Variants in FAM53B observed in about 807,000 individuals in gnomAD.
FAM53B encodes the protein family with sequence similarity 53 member B, also known as protein FAM53B.
Under a neutral mutation model 32.7 loss-of-function variants are expected in FAM53B, and 12 were observed. That is an observed-to-expected ratio of 0.37 (90% CI 0.24 to 0.59). The LOEUF (loss-of-function observed/expected upper bound fraction) is 0.59, where lower values mean the gene tolerates loss of function less well. FAM53B is among the 20% of genes least tolerant of loss of function. The pLI, the probability that FAM53B is intolerant of heterozygous loss-of-function variation, is 0.72. For missense variants in FAM53B, 477 were observed against 577.7 expected, an observed-to-expected ratio of 0.83 and a Z score of 1.79; for synonymous variants, 234 against 228.7, an observed-to-expected ratio of 1.02 and a Z score of -0.21.
intron 1 of FAM53B, among the ~76,000 whole-genome samples, chr10:124,728,805 G>A (rs1037930749): frequency 3.9e-5 from 6 of 152,238 alleles, no homozygotes; most frequent in African/African-American, 1.4e-4. Context: ...CTGCCCACAG[G>A]CAGTGATAAA....
intron 4 of FAM53B, among the ~76,000 whole-genome samples, chr10:124,649,768 T>C (rs1420425045): frequency 1.3e-5 from 2 of 152,200 alleles, no homozygotes; most frequent in African/African-American, 2.4e-5. Flanking sequence ...TGATTCTTTG[T>C]ACTCCTTCAG....
At chr10:124,630,744 T>C (rs1949385991) in intron 4 of FAM53B, among the ~76,000 whole-genome samples, 1 of 152,224 alleles carries the variant, frequency 6.6e-6, no homozygotes, top group Non-Finnish European at 1.5e-5. Flanking sequence ...GGTGGAAGGC[T>C]GGCCCTGGTC....
At chr10:124,734,358 G>C (rs1490732033) in intron 1 of FAM53B, among the ~76,000 whole-genome samples, 1 of 152,184 alleles carries the variant, frequency 6.6e-6, no homozygotes, top group East Asian at 1.9e-4. Flanking sequence ...ACTGAGCCTG[G>C]GGGCCACCAC....
chr10:124,663,908 C>A (rs1296304537), intron 4 of FAM53B, among the ~76,000 whole-genome samples: 1 of 152,124 alleles, frequency 6.6e-6, no homozygotes, highest in Non-Finnish European at 1.5e-5. Flanking sequence ...TCTCCCAGGT[C>A]TCCCGAGCCT....
intron 3 of FAM53B, among the ~76,000 whole-genome samples, chr10:124,693,902 G>A (rs1589753025): frequency 1.3e-5 from 2 of 152,206 alleles, no homozygotes; most frequent in East Asian, 3.8e-4. Context: ...CCAGGTGCCT[G>A]ACACACAGCA....
intron 1 of FAM53B, among the ~76,000 whole-genome samples, chr10:124,709,486 T>A (rs1589758985): frequency 6.6e-6 from 1 of 152,090 alleles, no homozygotes; most frequent in South Asian, 2.1e-4. Context: ...AGAAGGCAGG[T>A]GTAGCACAAT....
chr10:124,723,360 C>T (rs978111496), intron 1 of FAM53B, among the ~76,000 whole-genome samples: 2 of 152,228 alleles, frequency 1.3e-5, no homozygotes, highest in African/African-American at 4.8e-5. Flanking sequence ...CGATAGCTAT[C>T]AAAATGTTGT....
At chr10:124,687,907 G>A (rs1014899385) in intron 3 of FAM53B, among the ~76,000 whole-genome samples, 1 of 152,216 alleles carries the variant, frequency 6.6e-6, no homozygotes. Context: ...CTGCCCAGAA[G>A]CTTCAGGAGG....
intron 4 of FAM53B, among the ~76,000 whole-genome samples, chr10:124,645,424 G>T (rs1285181389): frequency 6.6e-6 from 1 of 152,184 alleles, no homozygotes; most frequent in Middle Eastern, 3.2e-3. Flanking sequence ...CAGGCTCTAG[G>T]GGCCCAAGAT....
intron 2 of FAM53B, among the ~76,000 whole-genome samples, chr10:124,701,314 C>A (rs1949913683): frequency 6.6e-6 from 1 of 152,254 alleles, no homozygotes; most frequent in Admixed American, 6.5e-5. Flanking sequence ...TTAGCCTTGG[C>A]ATCCTAATCT....
At chr10:124,686,314 T>C (rs1332421138) in intron 3 of FAM53B, among the ~76,000 whole-genome samples, 1 of 152,176 alleles carries the variant, frequency 6.6e-6, no homozygotes, top group African/African-American at 2.4e-5. Context: ...CTACAGGACC[T>C]ACTCCTTCTG....
At chr10:124,689,923 T>A (rs1949823491) in intron 3 of FAM53B, among the ~76,000 whole-genome samples, 1 of 152,254 alleles carries the variant, frequency 6.6e-6, no homozygotes, top group Non-Finnish European at 1.5e-5. Flanking sequence ...ATTCTACCCC[T>A]CAGCTCCCAC....
rs1949556026 is a variant in FAM53B at position 124,651,563 on chromosome 10, A to T, written c.907-27959T>A. Reference sequence around the variant, plus strand: ...CCCACACACGGCACCAGGGACCTGGACTATGCACCCCACTCCTCCTGCTGC... The same window carrying T: ...CCCACACACGGCACCAGGGACCTGGTCTATGCACCCCACTCCTCCTGCTGC... On this transcript the variant is annotated intron_variant, in intron 4 of 4. Coordinates refer to ENST00000337318, the MANE Select transcript of FAM53B (RefSeq NM_014661.4). The surrounding 1 kb of genome is among the most constrained non-coding windows in gnomAD (Gnocchi z 5.2). 6.6e-6 allele frequency among the ~76,000 whole-genome samples: 1 copy of T among 152,154 alleles called. No homozygotes were observed. The highest frequency in any genetic ancestry group is 1.5e-5 in the Non-Finnish European group (1 of 68,012).
intron 3 of FAM53B, among the ~76,000 whole-genome samples, chr10:124,686,135 A>G (rs571478341): frequency 5.3e-5 from 8 of 152,304 alleles, no homozygotes; most frequent in African/African-American, 1.9e-4. Context: ...AGACAACCCA[A>G]AAGGGTAATT....
At chr10:124,635,188 G>C (rs1359485203) in intron 4 of FAM53B, among the ~76,000 whole-genome samples, 3 of 152,180 alleles carry the variant, frequency 2.0e-5, no homozygotes, top group Non-Finnish European at 4.4e-5. Flanking sequence ...TGCCTCCTGG[G>C]TTCAAGCAAT....
chr10:124,738,579 C>A (rs1015451223), intron 1 of FAM53B, among the ~76,000 whole-genome samples: 1 of 151,928 alleles, frequency 6.6e-6, no homozygotes, highest in East Asian at 1.9e-4. Flanking sequence ...TCACACCCCC[C>A]CGAGAAGCAA....
chr10:124,649,589 C>T (rs1015009618), intron 4 of FAM53B, among the ~76,000 whole-genome samples: 5 of 152,238 alleles, frequency 3.3e-5, no homozygotes, highest in African/African-American at 1.2e-4. Context: ...CTGTTCTAAA[C>T]GAGCTTCCAG....
intron 1 of FAM53B, among the ~76,000 whole-genome samples, chr10:124,713,196 A>G (rs1033696735): frequency 2.0e-5 from 3 of 152,174 alleles, no homozygotes; most frequent in Non-Finnish European, 4.4e-5. Context: ...TCACGTTCCT[A>G]TGAACAGGCA....
Position 124,623,064 on chromosome 10 carries a change from C to T in FAM53B, c.*178G>A, listed in dbSNP as rs774789692. On this transcript the variant is annotated 3_prime_UTR_variant, in exon 5 of 5. Transcript: ENST00000337318. ...AGAGGCTGACACACCCGCTGTATGA[C>T]GCGGCCAGGCCAGGCTCTCCCCCAG... is the stretch of plus-strand genomic sequence containing the variant. 61 of 779,156 alleles carry T rather than the reference C, an allele frequency of 7.8e-5. No homozygotes were observed. The highest frequency in any genetic ancestry group is 3.7e-4 in the African/African-American group (21 of 56,722). The allele number at this position is 779,156 out of a possible 1,614,324, so 48.3% of individuals were successfully genotyped here. A position where few individuals can be genotyped will look rare whatever the true frequency, so the allele number is the denominator to read the frequency against.
Sources: allele counts gnomAD v4.1 joint callset (sites outside exome capture counted in the v4.1 genomes callset), GRCh38; gene constraint gnomAD v4.1.1; non-coding constraint Gnocchi (gnomAD v3.1); transcripts MANE v1.5; gene names NCBI Gene and HGNC (gene_info 2026-07-23, HGNC 2026-07-21).